The following ZFYVE16 variants were observed in gnomAD, a reference collection of about 807,000 sequenced individuals.
ZFYVE16 encodes zinc finger FYVE-type containing 16, also known as zinc finger FYVE domain-containing protein 16.
A neutral mutation model predicts 138.1 loss-of-function variants in ZFYVE16; 89 were observed. That is an observed-to-expected ratio of 0.64 (90% CI 0.54 to 0.77). The LOEUF is 0.77. Ranked by LOEUF, ZFYVE16 falls within the 30% of genes least tolerant of loss-of-function variation. The pLI, the probability that ZFYVE16 is intolerant of heterozygous loss-of-function variation, is 0.00. For synonymous variants in ZFYVE16, 596 were observed against 618.3 expected, an observed-to-expected ratio of 0.96 and a Z score of 0.53; for missense variants, 1,793 against 1,786.7, an observed-to-expected ratio of 1.00 and a Z score of -0.06.
At chr5:80,421,250 T>C (rs1322731677) in intron 1 of ZFYVE16, among the ~76,000 whole-genome samples, 2 of 152,220 alleles carry the variant, frequency 1.3e-5, no homozygotes, top group East Asian at 3.8e-4. Flanking sequence ...GTAGGTTGCC[T>C]GTTCACTCTG....
rs900603635 is a variant in ZFYVE16 at position 80,483,230 on chromosome 5, T to A, written c.*5853T>A. ...TAATTCATTGCTAGTAGTCCTCCTT[T>A]AACAGAAATGGTAAAGGAAGTTCAT... On this transcript the variant is annotated 3_prime_UTR_variant, in exon 19 of 19. Coordinates refer to ENST00000505560, the MANE Select transcript of ZFYVE16 (RefSeq NM_001284236.3). The A allele has an allele frequency of 1.3e-5, 2 of 152,186 alleles. No homozygotes were observed. Among genetic ancestry groups the A allele is most frequent in the Non-Finnish European group, 2.9e-5 (2 of 68,034 alleles). 9.4% of individuals were successfully genotyped at this position (152,186 alleles called of 1,614,324 possible). A position where few individuals can be genotyped will look rare whatever the true frequency, so the allele number is the denominator to read the frequency against.
chr5:80,446,804 A>G (rs570145001), intron 7 of ZFYVE16, among the ~76,000 whole-genome samples: 1 of 152,326 alleles, frequency 6.6e-6, no homozygotes, highest in Admixed American at 6.5e-5. Flanking sequence ...CAGAAGATAT[A>G]TAATATAGAA....
intron 18 of ZFYVE16, among the ~76,000 whole-genome samples, chr5:80,476,294 A>C (rs901097054): frequency 6.6e-6 from 1 of 152,094 alleles, no homozygotes; most frequent in African/African-American, 2.4e-5. Context: ...GGACAATTTG[A>C]TAGGTGAAAA....
chr5:80,437,321 TACA>T lies in ZFYVE16; in HGVS notation c.640_642del (p.Thr214del). ...TCAAAGAATTGGGTATAAAAGTAGA[TACA>T]ACACTTTCAGATTCCTATAATTACA... On this transcript the variant is annotated inframe_deletion, in exon 4 of 19. Transcript: ENST00000505560. 2 of 1,602,860 alleles carry T rather than the reference TACA, an allele frequency of 1.2e-6. 1 individual carries two copies. The highest frequency in any genetic ancestry group is 2.2e-5 in the South Asian group (2 of 89,706).
chr5:80,440,437 T>C, intron 5 of ZFYVE16: 2 of 986,032 alleles, frequency 2.0e-6, no homozygotes, highest in Non-Finnish European at 2.4e-6. Context: ...GTTCACACCC[T>C]TTAGAAAATA....
chr5:80,443,330 A>G lies in ZFYVE16; in HGVS notation c.2581+46A>G, dbSNP rs748836082. 3 of 1,573,632 alleles carry G rather than the reference A, an allele frequency of 1.9e-6. No homozygotes were observed. In the Admixed American group the frequency reaches 6.1e-5, roughly 32 times the overall value. ...CTTAGACTAAAGATAAATTATTGAA[A>G]TAGAAATTCTCTAATGTAGCCAGAG... On this transcript the variant is annotated intron_variant, in intron 6 of 18. Transcript: ENST00000505560.
At chr5:80,468,522 A>G (rs1236081300) in intron 15 of ZFYVE16, among the ~76,000 whole-genome samples, 1 of 152,198 alleles carries the variant, frequency 6.6e-6, no homozygotes, top group African/African-American at 2.4e-5. Flanking sequence ...TAAACACAGA[A>G]AACGCACAGT....
intron 10 of ZFYVE16, among the ~76,000 whole-genome samples, 182 bp downstream of exon 10, chr5:80,450,768 T>C (rs1220876731): frequency 6.6e-6 from 1 of 152,082 alleles, no homozygotes; most frequent in Non-Finnish European, 1.5e-5. Flanking sequence ...GATTAGTGTC[T>C]ATGCAGATTT....
At chr5:80,472,955 A>T (rs1754534243) in intron 16 of ZFYVE16, 32 bp downstream of exon 16, 1 of 1,544,084 alleles carries the variant, frequency 6.5e-7, no homozygotes, top group Non-Finnish European at 8.7e-7. Context: ...AATATAATTG[A>T]TTTGAAGGAA....
chr5:80,423,908 A>AG (rs1747608165), intron 1 of ZFYVE16, among the ~76,000 whole-genome samples: 1 of 151,530 alleles, frequency 6.6e-6, no homozygotes, highest in Non-Finnish European at 1.5e-5. Flanking sequence ...TAGTTTCCCA[A>AG]GGTGGATGCT....
At chr5:80,447,927 T>C in intron 7 of ZFYVE16, 99 bp from the exon 8 acceptor site, 1 of 1,114,166 alleles carries the variant, frequency 9.0e-7, no homozygotes, top group Non-Finnish European at 1.2e-6. Flanking sequence ...TTTTTATTTA[T>C]TCTTATTAAA....
rs761131943 is a variant in ZFYVE16, at chr5:80,438,525, A to G, written c.1840A>G (p.Lys614Glu). ...TIENGLSLGE[K>E]STIPVQQGLP... ...AGAAAATGGCCTTTCTTTAGGAGAA[A>G]AAAGCACTATTCCAGTTCAACAAGG... The change falls in exon 4 of 19, where the codon AAA (lysine) becomes GAA (glutamate). Residue 614 changes from lysine (K) to glutamate (E), a missense_variant. Physicochemically the swap from Lys to Glu is moderately conservative, Grantham distance 56 (BLOSUM62 1). Transcript: ENST00000505560. 1.9e-5 allele frequency: 31 copies of G among 1,613,778 alleles called. No individual in the cohort carries two copies. Among genetic ancestry groups the G allele is most frequent in the Non-Finnish European group, 2.3e-5 (27 of 1,179,922 alleles).
Position 80,437,865 on chromosome 5 carries a change from C to G in ZFYVE16, c.1180C>G (p.Arg394Gly), listed in dbSNP as rs748805433. 3.7e-6 allele frequency: 6 copies of G among 1,613,844 alleles called. No individual in the cohort carries two copies. The South Asian group carries it at 4.4e-5, about 12-fold the overall frequency. The change falls in exon 4 of 19, where the codon CGG becomes GGG. Residue 394 changes from arginine to glycine, a missense_variant. By Grantham distance (125) the Arg-to-Gly change is moderately radical. Coordinates refer to ENST00000505560, the MANE Select transcript of ZFYVE16 (RefSeq NM_001284236.3). ...TGGATCATTAATTGAAAGTAAAGCA[C>G]GGGGTGATTTTTTACCTCAGCATGA... ...MCGSLIESKA[R>G]GDFLPQHEHK...
At chr5:80,436,158 G>A (rs1029018733) in intron 3 of ZFYVE16, among the ~76,000 whole-genome samples, 1 of 152,110 alleles carries the variant, frequency 6.6e-6, no homozygotes, top group African/African-American at 2.4e-5. Context: ...TTCAAATTTG[G>A]AGTAACAGGA....
rs1287801880 is a variant in ZFYVE16 at position 80,473,641 on chromosome 5, T to C, written c.4188-113T>C. On this transcript the variant is annotated intron_variant, in intron 16 of 18. Coordinates refer to ENST00000505560, the MANE Select transcript of ZFYVE16 (RefSeq NM_001284236.3). ...ACAGATTTAGTTATTTTGTATATAA[T>C]TGACATATCTTCTTTTATATTTTTT... The C allele has an allele frequency of 1.4e-5, 9 of 647,330 alleles. No individual in the cohort carries two copies. In the South Asian group the frequency reaches 1.8e-4, roughly 13 times the overall value. 40.1% of individuals were successfully genotyped at this position (647,330 alleles called of 1,614,324 possible).
intron 18 of ZFYVE16, among the ~76,000 whole-genome samples, chr5:80,476,079 G>A (rs1754880879): frequency 6.6e-6 from 1 of 152,072 alleles, no homozygotes. Context: ...GAGTAGCTGG[G>A]ACTACAGGCA....
chr5:80,446,927 G>T (rs1274155435), intron 7 of ZFYVE16, among the ~76,000 whole-genome samples: 7 of 152,010 alleles, frequency 4.6e-5, no homozygotes, highest in African/African-American at 1.7e-4. Context: ...GCATCACTTT[G>T]TGCCAGTCAC....
chr5:80,425,457 A>G (rs961390963), intron 1 of ZFYVE16, among the ~76,000 whole-genome samples: 14 of 152,174 alleles, frequency 9.2e-5, no homozygotes, highest in South Asian at 6.2e-4. Flanking sequence ...CCTAGTCCCC[A>G]TGCTAGGTAG....
chr5:80,423,253 C>T (rs925269627), intron 1 of ZFYVE16, among the ~76,000 whole-genome samples: 46 of 151,858 alleles, frequency 3.0e-4, no homozygotes, highest in African/African-American at 1.1e-3. Context: ...GACTTTTGGC[C>T]GTTTATATCA....
Sources: allele counts gnomAD v4.1 joint callset (sites outside exome capture counted in the v4.1 genomes callset), GRCh38; gene constraint gnomAD v4.1.1; transcripts MANE v1.5; gene names NCBI Gene and HGNC (gene_info 2026-07-23, HGNC 2026-07-21).